The following TET3 variants were observed in gnomAD, a reference collection of about 807,000 sequenced individuals.
TET3 encodes methylcytosine dioxygenase TET3.
TET3 carries 19 observed loss-of-function variants against 141.4 expected under a neutral mutation model. That is an observed-to-expected ratio of 0.13 (90% CI 0.09 to 0.20). The LOEUF is 0.20. Among genes scored for constraint, TET3 ranks in the 10% least tolerant of loss-of-function variants. The probability of loss-of-function intolerance (pLI) is 1.00; values close to 1 mark genes in which losing one functional copy is unlikely to be tolerated. For missense variants in TET3, 1,874 were observed against 2,356.9 expected, an observed-to-expected ratio of 0.80 and a Z score of 4.24; for synonymous variants, 1,043 against 980.9, an observed-to-expected ratio of 1.06 and a Z score of -1.18.
intron 5 of TET3, 127 bp from the exon 6 acceptor site, chr2:74,080,371 T>G: frequency 1.3e-6 from 1 of 772,744 alleles, no homozygotes; most frequent in South Asian, 1.7e-5. Flanking sequence ...CCTTTCTCTT[T>G]CTTCTCTGTT....
Position 74,100,938 on chromosome 2 carries a change from C to A in TET3, c.4150C>A (p.Pro1384Thr), listed in dbSNP as rs1691169101. The A allele has an allele frequency of 2.5e-6, 4 of 1,611,024 alleles. No homozygotes were observed. Among genetic ancestry groups the A allele is most frequent in the Non-Finnish European group, 3.4e-6 (4 of 1,178,752 alleles). ...CCACTCAGTGTCCAGGGACCCCTCC[C>A]CCTTTGCCCAGAGCTCCAACTGCTA... Reference protein sequence around the residue: ...LLHSVSRDPSPFAQSSNCYNR... With the variant: ...LLHSVSRDPSTFAQSSNCYNR... The change falls in exon 12 of 12, where the codon CCC (proline) becomes ACC (threonine). Residue 1384 changes from proline to threonine, a missense_variant. Coordinates refer to ENST00000409262, the MANE Select transcript of TET3 (RefSeq NM_001287491.2).
At chr2:73,990,743 A>T (rs1684280488) in intron 2 of TET3, among the ~76,000 whole-genome samples, 1 of 152,210 alleles carries the variant, frequency 6.6e-6, no homozygotes, top group African/African-American at 2.4e-5. Context: ...TTGAGTCAAG[A>T]TACCTTGGAA....
intron 2 of TET3, among the ~76,000 whole-genome samples, chr2:73,992,716 G>A (rs1387830818): frequency 1.3e-5 from 2 of 152,108 alleles, no homozygotes; most frequent in Non-Finnish European, 2.9e-5. Context: ...TTGAAAGAGG[G>A]CCAAAAAACC....
rs991649418 is a variant in TET3, at chr2:74,106,008, C to T, written c.*3832C>T. ...ATGGTGCTATGGTGTTTTAATGTGA[C>T]TGTCCCTGATCCTGTCTTGCTGAGG... On this transcript the variant is annotated 3_prime_UTR_variant, in exon 12 of 12. Coordinates refer to ENST00000409262, the MANE Select transcript of TET3 (RefSeq NM_001287491.2). 8.5e-5 allele frequency: 13 copies of T among 153,048 alleles called. No homozygotes were observed. The highest frequency in any genetic ancestry group is 7.9e-4 in the Admixed American group (12 of 15,268). 9.5% of individuals were successfully genotyped at this position (153,048 alleles called of 1,614,324 possible).
chr2:74,064,632 C>T (rs1688781418), intron 4 of TET3, among the ~76,000 whole-genome samples: 1 of 152,120 alleles, frequency 6.6e-6, no homozygotes, highest in African/African-American at 2.4e-5. Context: ...AGGCTGGGCT[C>T]AAGCAATCTG....
At chr2:73,994,135 T>C (rs1684462875) in intron 2 of TET3, among the ~76,000 whole-genome samples, 1 of 152,204 alleles carries the variant, frequency 6.6e-6, no homozygotes. Flanking sequence ...CTGTACTTGT[T>C]TTAAAAAAGA....
At chr2:74,118,460 C>T in the TET3 span, among the ~76,000 whole-genome samples, 15 of 152,210 alleles carry the variant, frequency 9.9e-5, no homozygotes, top group South Asian at 2.1e-4. Context: ...ATTTTCATTA[C>T]GATTTTCTTA....
intron 5 of TET3, chr2:74,073,997 T>A (rs773786474): frequency 6.9e-5 from 11 of 159,978 alleles, no homozygotes; most frequent in African/African-American, 9.6e-5. Flanking sequence ...TCCTATAAAT[T>A]GGTAGTTAGA....
At chr2:73,994,556 A>G (rs1684484063) in intron 2 of TET3, among the ~76,000 whole-genome samples, 1 of 151,006 alleles carries the variant, frequency 6.6e-6, no homozygotes, top group Non-Finnish European at 1.5e-5. Flanking sequence ...TGGGAGGGAG[A>G]TTCACATTTG....
At chr2:74,013,790 C>T (rs550075833) in intron 3 of TET3, among the ~76,000 whole-genome samples, 153 of 151,950 alleles carry the variant, frequency 1.0e-3, no homozygotes, top group African/African-American at 3.3e-3. Context: ...CCAGCCTGGG[C>T]GACAGAGCGA....
intron 2 of TET3, among the ~76,000 whole-genome samples, chr2:74,000,740 C>A (rs938094868): frequency 6.6e-6 from 1 of 152,194 alleles, no homozygotes; most frequent in African/African-American, 2.4e-5. Flanking sequence ...TAGCCCACCA[C>A]TCACCAGCTG....
chr2:74,112,473 A>G (rs966517384), downstream of TET3, among the ~76,000 whole-genome samples: 1 of 150,868 alleles, frequency 6.6e-6, no homozygotes, highest in Non-Finnish European at 1.5e-5. Flanking sequence ...GAACCAAAAC[A>G]TCAGCAAAAT....
At chr2:74,088,143 TGC>T in intron 7 of TET3, 105 bp downstream of exon 7, 1 of 1,163,934 alleles carries the variant, frequency 8.6e-7, no homozygotes, top group Non-Finnish European at 1.2e-6. Context: ...GGGCCCTCTC[TGC>T]GGCACTGTTT....
intron 4 of TET3, among the ~76,000 whole-genome samples, chr2:74,055,126 C>T (rs1184555111): frequency 2.0e-5 from 3 of 152,110 alleles, no homozygotes; most frequent in Non-Finnish European, 4.4e-5. Context: ...TCTTGAACTC[C>T]TGGGCTCAAG....
At chr2:74,056,242 A>T (rs759127291) in intron 4 of TET3, among the ~76,000 whole-genome samples, 8 of 152,030 alleles carry the variant, frequency 5.3e-5, no homozygotes, top group Non-Finnish European at 1.0e-4. Context: ...GTGTGTAGAG[A>T]GTGTGGAAAG....
chr2:74,078,111 G>A (rs1051549655), intron 5 of TET3, among the ~76,000 whole-genome samples: 1 of 152,126 alleles, frequency 6.6e-6, no homozygotes, highest in Non-Finnish European at 1.5e-5. Context: ...GAGTGAAATA[G>A]AGAACATGGA....
At chr2:73,984,090 C>T (rs1013132769), upstream of TET3, among the ~76,000 whole-genome samples, 2 of 152,260 alleles carry the variant, frequency 1.3e-5, no homozygotes, top group African/African-American at 2.4e-5. The surrounding 1 kb of genome is among the most constrained non-coding windows in gnomAD (Gnocchi z 5.6). Flanking sequence ...AGTGTCTGCG[C>T]CGGGTTTTAG....
chr2:74,111,437 G>T (rs1221564047), downstream of TET3, among the ~76,000 whole-genome samples: 1 of 152,138 alleles, frequency 6.6e-6, no homozygotes, highest in Non-Finnish European at 1.5e-5. Flanking sequence ...CCTGACACCT[G>T]CCAAGTCTAG....
At chr2:74,043,025 A>T (rs1687427066) in intron 3 of TET3, among the ~76,000 whole-genome samples, 2 of 152,138 alleles carry the variant, frequency 1.3e-5, no homozygotes, top group Non-Finnish European at 2.9e-5. Flanking sequence ...ACCAAAAATA[A>T]CTTTTTAAAT....
Sources: allele counts gnomAD v4.1 joint callset (sites outside exome capture counted in the v4.1 genomes callset), GRCh38; gene constraint gnomAD v4.1.1; non-coding constraint Gnocchi (gnomAD v3.1); transcripts MANE v1.5; gene names NCBI Gene and HGNC (gene_info 2026-07-23, HGNC 2026-07-21).